The following IFT122 variants were observed in gnomAD, a reference collection of about 807,000 sequenced individuals.
IFT122 encodes intraflagellar transport protein 122 homolog.
A neutral mutation model predicts 161.6 loss-of-function variants in IFT122; 118 were observed. The observed-to-expected ratio is 0.73, with a 90% CI of 0.63 to 0.85. The LOEUF is 0.85. Among genes scored for constraint, IFT122 ranks in the 40% least tolerant of loss-of-function variants. IFT122 has a pLI of 0.00. For synonymous variants in IFT122, 550 were observed against 602.4 expected (o/e 0.91, Z 1.27); for missense variants, 1,381 against 1,579.6 (o/e 0.87, Z 2.13).
At chr3:129,474,601 A>G (rs1161925782) in intron 9 of IFT122, among the ~76,000 whole-genome samples, 1 of 151,988 alleles carries the variant, frequency 6.6e-6, no homozygotes, top group Non-Finnish European at 1.5e-5. Context: ...GGGAAAGAGC[A>G]TTCCTGGCTG....
intron 1 of IFT122, 40 bp downstream of exon 1, chr3:129,440,411 T>G: frequency 6.5e-7 from 1 of 1,547,934 alleles, no homozygotes; most frequent in Non-Finnish European, 8.7e-7. Flanking sequence ...GGAGGTCGAG[T>G]CCTCGCGGGG....
intron 1 of IFT122, 80 bp downstream of exon 1, chr3:129,440,451 G>T (rs879423041): frequency 2.0e-6 from 3 of 1,501,320 alleles, no homozygotes; most frequent in Non-Finnish European, 2.7e-6. Context: ...CGTGTTTGAG[G>T]GGGGCAGCGG....
intron 27 of IFT122, among the ~76,000 whole-genome samples, chr3:129,518,487 G>T (rs2084298178): frequency 6.6e-6 from 1 of 152,212 alleles, no homozygotes; most frequent in Non-Finnish European, 1.5e-5. Flanking sequence ...GAGGAGGGAA[G>T]CTCAGAGAGC....
chr3:129,441,259 C>T (rs963946190), intron 1 of IFT122, among the ~76,000 whole-genome samples: 1 of 152,164 alleles, frequency 6.6e-6, no homozygotes, highest in Admixed American at 6.5e-5. Flanking sequence ...TTGGTTCTGT[C>T]CCTTCTGAGA....
At chr3:129,504,290 A>T in intron 20 of IFT122, 29 bp from the exon 21 acceptor site, 1 of 1,573,874 alleles carries the variant, frequency 6.4e-7, no homozygotes, top group South Asian at 1.1e-5. Flanking sequence ...GGGCAGCTTT[A>T]TTAAGACTTC....
chr3:129,461,409 A>G, intron 5 of IFT122, 105 bp downstream of exon 5: 1 of 840,588 alleles, frequency 1.2e-6, no homozygotes, highest in Non-Finnish European at 2.1e-6. Flanking sequence ...GAGAGTTAAT[A>G]CTACTTCTCT....
At chr3:129,444,483 A>T (rs1039645358) in intron 1 of IFT122, among the ~76,000 whole-genome samples, 3 of 151,956 alleles carry the variant, frequency 2.0e-5, no homozygotes, top group Non-Finnish European at 4.4e-5. Context: ...TGTCTACTAC[A>T]TTATGTTTTC....
chr3:129,444,182 C>T (rs1477001837), intron 1 of IFT122, among the ~76,000 whole-genome samples: 1 of 152,226 alleles, frequency 6.6e-6, no homozygotes, highest in Non-Finnish European at 1.5e-5. Flanking sequence ...ATCAGCTTTT[C>T]TGGCCCCACG....
chr3:129,503,352 C>T (rs904409479), intron 20 of IFT122, among the ~76,000 whole-genome samples: 1 of 152,040 alleles, frequency 6.6e-6, no homozygotes, highest in Admixed American at 6.5e-5. Context: ...TTTTCCCTCC[C>T]TTCTCTGCCC....
At chr3:129,517,414 G>A (rs1372392178) in intron 26 of IFT122, 55 bp from the exon 27 acceptor site, 10 of 1,606,348 alleles carry the variant, frequency 6.2e-6, no homozygotes, top group South Asian at 5.5e-5. Context: ...CCTGCCTGGC[G>A]GCAAGTCCTT....
chr3:129,463,481 G>A (rs1040943385), intron 5 of IFT122, 79 bp from the exon 6 acceptor site: 4 of 1,136,986 alleles, frequency 3.5e-6, no homozygotes, highest in African/African-American at 1.5e-5. Flanking sequence ...GTTGTTGTAT[G>A]TTTCAATTAT....
At chr3:129,513,549 A>G (rs1159214730) in intron 24 of IFT122, 1 of 153,694 alleles carries the variant, frequency 6.5e-6, no homozygotes, top group Non-Finnish European at 1.4e-5. Context: ...GGGGCTGAGC[A>G]CCTGTACTCA....
chr3:129,484,927 T>A (rs149308467), intron 15 of IFT122, among the ~76,000 whole-genome samples: 75 of 152,210 alleles, frequency 4.9e-4, no homozygotes, highest in African/African-American at 1.8e-3. Context: ...GCATGTGTAA[T>A]CTCCCACCAC....
rs567111493 is a variant in IFT122, at chr3:129,461,965, C to T, written c.349+661C>T. On this transcript the variant is annotated intron_variant, in intron 5 of 29. Transcript: ENST00000348417. The stretch of plus-strand genomic sequence containing the variant: ...TGGTTGATTCTGTTTTCAGCTCTAT[C>T]AGTCTGTGTTCGTTGCTAGTGGATA... Among the ~76,000 whole-genome samples the T allele has an allele frequency of 4.7e-4, 71 of 152,284 alleles. 1 individual carries two copies. The highest frequency in any genetic ancestry group is 1.6e-3 in the African/African-American group (68 of 41,568).
In IFT122 at chr3:129,502,694, G is replaced by A; in HGVS notation, c.2376-17G>A. On this transcript the variant is annotated splice_polypyrimidine_tract_variant and intron_variant, in intron 19 of 29. Coordinates refer to ENST00000348417, the MANE Select transcript of IFT122 (RefSeq NM_052989.3). ...AGACCCAGAGCCCACCCTCCTACCT[G>A]CCCCTTCCCTCTCCAGGTTGATCGA... 1 of 1,604,006 alleles carries A rather than the reference G, an allele frequency of 6.2e-7. No homozygotes were observed. Among genetic ancestry groups the A allele is most frequent in the Non-Finnish European group, 8.5e-7 (1 of 1,179,958 alleles).
At chr3:129,487,680 C>A in intron 15 of IFT122, 1 of 177,294 alleles carries the variant, frequency 5.6e-6, no homozygotes, top group African/African-American at 2.4e-5. Flanking sequence ...CGCTTCCTCC[C>A]ACGAACTCAT....
chr3:129,463,383 A>T (rs1447963234), intron 5 of IFT122, 177 bp from the exon 6 acceptor site: 7 of 591,648 alleles, frequency 1.2e-5, no homozygotes, highest in Non-Finnish European at 2.1e-5. Flanking sequence ...TTGTCATTCA[A>T]GAATGTTATA....
intron 1 of IFT122, among the ~76,000 whole-genome samples, chr3:129,442,348 AC>A (rs1197841908): frequency 6.6e-6 from 1 of 152,204 alleles, no homozygotes; most frequent in African/African-American, 2.4e-5. Context: ...GGTTGTTGTT[AC>A]TATGGATAGT....
rs1163579243 is a variant in IFT122 at position 129,477,725 on chromosome 3, A to AGTG, written c.1148-290_1148-288dup. 6.6e-5 allele frequency among the ~76,000 whole-genome samples: 10 copies of AGTG among 152,200 alleles called. 2 individuals are homozygous for AGTG. The highest frequency in any genetic ancestry group is 6.5e-4 in the Admixed American group (10 of 15,284). ...AGGCTTCTGATCACCGGGGGCCACT[A>AGTG]GTGCTGTGCAGAGGAGTTTATATTT... is the stretch of plus-strand genomic sequence containing the variant. On this transcript the variant is annotated intron_variant, in intron 11 of 29. Coordinates refer to ENST00000348417, the MANE Select transcript of IFT122 (RefSeq NM_052989.3).
Sources: allele counts gnomAD v4.1 joint callset (sites outside exome capture counted in the v4.1 genomes callset), GRCh38; gene constraint gnomAD v4.1.1; transcripts MANE v1.5; gene names NCBI Gene and HGNC (gene_info 2026-07-23, HGNC 2026-07-21).